Variants in PLXDC2 observed in about 807,000 individuals in gnomAD.
The protein encoded by PLXDC2 is plexin domain-containing protein 2.
PLXDC2 carries 40 observed loss-of-function variants against 68.9 expected under a neutral mutation model. That is an observed-to-expected ratio of 0.58 (90% CI 0.45 to 0.76). PLXDC2 has a LOEUF of 0.76. Among genes scored for constraint, PLXDC2 ranks in the 30% least tolerant of loss-of-function variants. PLXDC2 has a pLI of 0.00. For synonymous variants in PLXDC2, 243 were observed against 234.2 expected (o/e 1.04, Z -0.34); for missense variants, 644 against 661.9 (o/e 0.97, Z 0.30).
At chr10:20,227,539 G>A in intron 12 of PLXDC2, among the ~76,000 whole-genome samples, 1 of 152,068 alleles carries the variant, frequency 6.6e-6, no homozygotes, top group East Asian at 1.9e-4. Flanking sequence ...ATTTTCCTGG[G>A]GTAAAGTTAT....
At chr10:19,822,265 TATATA>T (rs1836483843) in intron 1 of PLXDC2, among the ~76,000 whole-genome samples, 1 of 149,284 alleles carries the variant, frequency 6.7e-6, no homozygotes, top group Non-Finnish European at 1.5e-5. Context: ...ATATGCAATA[TATATA>T]ATATATGCAC....
At chr10:19,978,813 G>A (rs1834500991) in intron 1 of PLXDC2, among the ~76,000 whole-genome samples, 1 of 152,108 alleles carries the variant, frequency 6.6e-6, no homozygotes, top group African/African-American at 2.4e-5. Flanking sequence ...AGGCATGAGA[G>A]GCAAATAACT....
At chr10:20,254,794 A>G (rs1386737320) in intron 13 of PLXDC2, among the ~76,000 whole-genome samples, 1 of 152,170 alleles carries the variant, frequency 6.6e-6, no homozygotes, top group South Asian at 2.1e-4. Context: ...CACTCTATGT[A>G]TGTCAGTGGT....
At chr10:20,199,202 GA>G (rs950208301) in intron 9 of PLXDC2, among the ~76,000 whole-genome samples, 3 of 151,888 alleles carry the variant, frequency 2.0e-5, no homozygotes, top group African/African-American at 7.2e-5. Context: ...TTGACAGATG[GA>G]AAAAATATTT....
intron 1 of PLXDC2, among the ~76,000 whole-genome samples, chr10:19,958,530 G>A (rs910071816): frequency 7.2e-5 from 11 of 152,116 alleles, no homozygotes; most frequent in African/African-American, 2.7e-4. Flanking sequence ...ATAAAGCCAA[G>A]TATCTCTGTA....
chr10:19,862,662 C>G (rs770137317), intron 1 of PLXDC2, among the ~76,000 whole-genome samples: 3 of 152,188 alleles, frequency 2.0e-5, no homozygotes, highest in Non-Finnish European at 4.4e-5. Context: ...CTACACTACA[C>G]AACAAGTATG....
intron 1 of PLXDC2, among the ~76,000 whole-genome samples, chr10:19,964,134 C>G (rs1314824358): frequency 1.4e-4 from 21 of 152,186 alleles, no homozygotes; most frequent in Admixed American, 1.4e-3. Flanking sequence ...TGATTTGTAG[C>G]CTCTGCCAAT....
chr10:20,178,210 T>G (rs553851481), intron 9 of PLXDC2, among the ~76,000 whole-genome samples: 23 of 152,278 alleles, frequency 1.5e-4, no homozygotes, highest in African/African-American at 5.5e-4. Flanking sequence ...ATGTTGTAAT[T>G]AGCTAACCCT....
chr10:19,872,946 A>G (rs540451964), intron 1 of PLXDC2, among the ~76,000 whole-genome samples: 1 of 152,150 alleles, frequency 6.6e-6, no homozygotes. Flanking sequence ...CGTTTTCCAC[A>G]TATCTAATCT....
chr10:20,031,708 C>T (rs565777572), intron 2 of PLXDC2, among the ~76,000 whole-genome samples: 153 of 152,198 alleles, frequency 1.0e-3, no homozygotes, highest in African/African-American at 3.5e-3. Flanking sequence ...TAAAGAAGCG[C>T]TAACATCAAC....
intron 2 of PLXDC2, among the ~76,000 whole-genome samples, chr10:20,025,814 G>A (rs892086684): frequency 6.6e-6 from 1 of 151,806 alleles, no homozygotes; most frequent in East Asian, 1.9e-4. Context: ...TTTGACATAA[G>A]CTTTTTTTCA....
intron 4 of PLXDC2, among the ~76,000 whole-genome samples, chr10:20,122,014 T>C (rs1833704247): frequency 6.6e-6 from 1 of 151,110 alleles, no homozygotes; most frequent in Admixed American, 6.6e-5. Context: ...TGGGTTAAGG[T>C]GGGGGAATAC....
At chr10:20,088,011 A>G (rs868278574) in intron 4 of PLXDC2, among the ~76,000 whole-genome samples, 7 of 152,196 alleles carry the variant, frequency 4.6e-5, no homozygotes, top group Non-Finnish European at 8.8e-5. Context: ...AAAGAAACGG[A>G]AGGGATAAGT....
At chr10:19,923,559 A>G (rs1422680098) in intron 1 of PLXDC2, among the ~76,000 whole-genome samples, 1 of 152,174 alleles carries the variant, frequency 6.6e-6, no homozygotes, top group South Asian at 2.1e-4. Flanking sequence ...GCTTTATCCA[A>G]TTGCTACACT....
chr10:19,942,446 A>T (rs1833834463), intron 1 of PLXDC2, among the ~76,000 whole-genome samples: 1 of 152,204 alleles, frequency 6.6e-6, no homozygotes, highest in Non-Finnish European at 1.5e-5. Context: ...GTACTATCTT[A>T]CATGACTCAA....
At position 19,816,528 on chromosome 10, in the gene PLXDC2, A is replaced by G. The variant is rs532898853; in HGVS notation, c.-552A>G. ...GACGCGCGCCCTGCGTCGGGCGAAG[A>G]AAAGAAGCAAAACTTGTCGGGAGGG... On this transcript the variant is annotated 5_prime_UTR_variant, in exon 1 of 14. Coordinates refer to ENST00000377252, the MANE Select transcript of PLXDC2 (RefSeq NM_032812.9). 221 of 154,320 alleles carry G rather than the reference A, an allele frequency of 1.4e-3. No individual in the cohort carries two copies. Among genetic ancestry groups the G allele is most frequent in the Middle Eastern group, 3.4e-3 (1 of 294 alleles). 9.6% of individuals were successfully genotyped at this position (154,320 alleles called of 1,614,324 possible).
At chr10:19,908,059 A>G (rs1833199316) in intron 1 of PLXDC2, among the ~76,000 whole-genome samples, 1 of 152,324 alleles carries the variant, frequency 6.6e-6, no homozygotes, top group Non-Finnish European at 1.5e-5. Context: ...AAATGAAACA[A>G]TTAAAAAATA....
chr10:20,279,839 C>A lies in PLXDC2; in HGVS notation c.*20C>A. The A allele has an allele frequency of 6.2e-7, 1 of 1,601,712 alleles. No individual in the cohort carries two copies. The highest frequency in any genetic ancestry group is 8.6e-7 in the Non-Finnish European group (1 of 1,169,054). Reference sequence around the variant, plus strand: ...TGCTAAAATTTCTAGGACAGAACAACACCAGTACTGGTTTACAGGTGTTAA... The same window carrying A: ...TGCTAAAATTTCTAGGACAGAACAAAACCAGTACTGGTTTACAGGTGTTAA... On this transcript the variant is annotated 3_prime_UTR_variant, in exon 14 of 14. Transcript: ENST00000377252.
chr10:19,836,020 T>G lies in PLXDC2; in HGVS notation c.112+18829T>G, dbSNP rs566609068. Among the ~76,000 whole-genome samples the G allele has an allele frequency of 2.6e-5, 4 of 151,034 alleles. No individual in the cohort carries two copies. In the South Asian group the frequency reaches 6.3e-4, roughly 24 times the overall value. On this transcript the variant is annotated intron_variant, in intron 1 of 13. Coordinates refer to ENST00000377252, the MANE Select transcript of PLXDC2 (RefSeq NM_032812.9). ...GACCCCATCTCTACAAAAATAAAAA[T>G]AAAAAAATTAGCAGGATGTGGTGGT...
Sources: gnomAD v4.1 joint callset for allele counts (sites outside exome capture counted in the v4.1 genomes callset) on GRCh38, gnomAD v4.1.1 for gene constraint, MANE v1.5 for transcripts, NCBI Gene and HGNC (gene_info 2026-07-23, HGNC 2026-07-21) for gene names.